SIL1: variants seen among roughly 807,000 people sequenced by gnomAD.
SIL1 encodes the protein SIL1 nucleotide exchange factor.
SIL1 carries 40 observed loss-of-function variants against 49.1 expected under a neutral mutation model. That is an observed-to-expected ratio of 0.81 (90% CI 0.63 to 1.06). The LOEUF (loss-of-function observed/expected upper bound fraction) is 1.06, where lower values mean the gene tolerates loss of function less well. Among genes scored for constraint, SIL1 ranks in the 50% least tolerant of loss-of-function variants. The probability of loss-of-function intolerance (pLI) is 0.00; values close to 1 mark genes in which losing one functional copy is unlikely to be tolerated. For missense variants in SIL1, 500 were observed against 572.6 expected (o/e 0.87, Z 1.29); for synonymous variants, 253 against 250.8 (o/e 1.01, Z -0.08).
chr5:139,059,819 C>CT lies in SIL1; in HGVS notation c.245-8774dup, dbSNP rs1194616200. ...TTCAGATTCCAATCTAATACACGGG[C>CT]TCATTTGTCTTCTCACTTTACTTAT... On this transcript the variant is annotated intron_variant, in intron 3 of 9. Coordinates refer to ENST00000394817, the MANE Select transcript of SIL1 (RefSeq NM_022464.5). Among the ~76,000 whole-genome samples, 38 of 152,250 alleles carry CT rather than the reference C, an allele frequency of 2.5e-4. No homozygotes were observed. In the East Asian group the frequency reaches 3.1e-3, roughly 12 times the overall value.
chr5:139,196,032 A>G (rs574404370), intron 1 of SIL1, among the ~76,000 whole-genome samples: 1 of 152,244 alleles, frequency 6.6e-6, no homozygotes, highest in Admixed American at 6.5e-5. Context: ...AAAAATTAAA[A>G]TTACAAAATT....
intron 3 of SIL1, among the ~76,000 whole-genome samples, chr5:139,096,476 G>A (rs944738900): frequency 6.6e-5 from 10 of 151,872 alleles, no homozygotes; most frequent in Admixed American, 3.3e-4. Context: ...TAGCCAAGGC[G>A]CCTAAGGGAA....
intron 3 of SIL1, among the ~76,000 whole-genome samples, chr5:139,118,570 C>T (rs898185129): frequency 1.3e-5 from 2 of 152,198 alleles, no homozygotes; most frequent in African/African-American, 4.8e-5. Flanking sequence ...GAACCCCAAA[C>T]TGGCTGAATC....
chr5:139,119,702 A>G (rs1010715015), intron 3 of SIL1, among the ~76,000 whole-genome samples: 1 of 152,224 alleles, frequency 6.6e-6, no homozygotes. Flanking sequence ...CAGAGGTTGC[A>G]GTGAGCCAAG....
rs909345948 is a variant in SIL1 at position 139,186,596 on chromosome 5, G to A, written c.-11+11673C>T. On this transcript the variant is annotated intron_variant, in intron 1 of 9. Transcript: ENST00000394817. ...ATGAAGCACATAAGCACTCCGGTTTGACACAGGCCTACCATTCTCTGTTGC... is the reference window on the plus strand; with the variant it reads ...ATGAAGCACATAAGCACTCCGGTTTAACACAGGCCTACCATTCTCTGTTGC... Among the ~76,000 whole-genome samples, 43 of 152,136 alleles carry A rather than the reference G, an allele frequency of 2.8e-4. 1 individual carries two copies. Among genetic ancestry groups the A allele is most frequent in the Admixed American group, 2.8e-3 (43 of 15,274 alleles).
intron 1 of SIL1, among the ~76,000 whole-genome samples, chr5:139,149,321 C>T (rs1276089183): frequency 1.3e-5 from 2 of 152,156 alleles, no homozygotes; most frequent in South Asian, 2.1e-4. Flanking sequence ...TTGTGCTCTA[C>T]GAAAAGATGA....
At chr5:139,067,872 A>C (rs972710713) in intron 3 of SIL1, among the ~76,000 whole-genome samples, 1 of 152,248 alleles carries the variant, frequency 6.6e-6, no homozygotes, top group Non-Finnish European at 1.5e-5. Flanking sequence ...ATGTTCACAG[A>C]AGTGCACAAT....
intron 5 of SIL1, among the ~76,000 whole-genome samples, chr5:139,038,050 T>C (rs1768957738): frequency 6.6e-6 from 1 of 152,174 alleles, no homozygotes; most frequent in Non-Finnish European, 1.5e-5. Context: ...TGGTCTCTCT[T>C]ATTCTTCTAA....
chr5:139,052,157 AT>A (rs1479726865), intron 3 of SIL1, among the ~76,000 whole-genome samples: 1 of 152,214 alleles, frequency 6.6e-6, no homozygotes, highest in African/African-American at 2.4e-5. Context: ...AAGGATAATG[AT>A]ATAGGCAAGT....
intron 1 of SIL1, among the ~76,000 whole-genome samples, chr5:139,181,991 T>C (rs371629588): frequency 6.6e-6 from 1 of 152,030 alleles, no homozygotes; most frequent in African/African-American, 2.4e-5. Context: ...GTTTTTTTGG[T>C]TTTTTTTAAG....
chr5:139,095,241 C>A (rs1561859838), intron 3 of SIL1, among the ~76,000 whole-genome samples: 1 of 147,230 alleles, frequency 6.8e-6, no homozygotes, highest in African/African-American at 2.5e-5. Context: ...GGGGGAGTAT[C>A]TATATATATA....
In SIL1 at chr5:139,086,270, T is replaced by TA. The variant is rs756341363; in HGVS notation, c.244+34764dup. 4.4e-3 allele frequency among the ~76,000 whole-genome samples: 429 copies of TA among 96,620 alleles called. 1 individual carries two copies. The highest frequency in any genetic ancestry group is 0.017 in the East Asian group (61 of 3,570). The allele number at this position is 96,620 out of a possible 152,430, so 63.4% of individuals were successfully genotyped here. On this transcript the variant is annotated intron_variant, in intron 3 of 9. Coordinates refer to ENST00000394817, the MANE Select transcript of SIL1 (RefSeq NM_022464.5). ...CCTGAGCAACAGAGTGAGACCGTCT[T>TA]AAAAAAAAAAAAAAAAAAGAAGAAG...
At chr5:139,094,231 AG>A (rs1304781663) in intron 3 of SIL1, among the ~76,000 whole-genome samples, 1 of 152,230 alleles carries the variant, frequency 6.6e-6, no homozygotes, top group East Asian at 1.9e-4. Context: ...AGAGAAACAA[AG>A]GCCTAAACAC....
chr5:139,136,288 C>T (rs542004715), intron 1 of SIL1, among the ~76,000 whole-genome samples: 32 of 152,256 alleles, frequency 2.1e-4, no homozygotes, highest in African/African-American at 5.5e-4. Flanking sequence ...TGCCATTAGG[C>T]GTGGAACTTA....
At chr5:139,097,485 CTTTT>C (rs58976541) in intron 3 of SIL1, among the ~76,000 whole-genome samples, 1 of 143,246 alleles carries the variant, frequency 7.0e-6, no homozygotes. Flanking sequence ...TAGCATTTCT[CTTTT>C]TTTTTTTTTT....
intron 7 of SIL1, among the ~76,000 whole-genome samples, chr5:138,958,710 G>A (rs1419101587): frequency 6.6e-6 from 1 of 150,694 alleles, no homozygotes; most frequent in Non-Finnish European, 1.5e-5. Context: ...AGTATATAAT[G>A]CAAATATTCC....
chr5:138,986,244 CTG>C (rs1295060591), intron 7 of SIL1, among the ~76,000 whole-genome samples: 5 of 152,244 alleles, frequency 3.3e-5, no homozygotes, highest in African/African-American at 1.2e-4. Context: ...GAAAAGCACT[CTG>C]GAGTTGTACC....
chr5:139,191,155 C>G (rs1399470906), intron 1 of SIL1, among the ~76,000 whole-genome samples: 1 of 144,928 alleles, frequency 6.9e-6, no homozygotes, highest in Non-Finnish European at 1.5e-5. Context: ...TCACTTGAAC[C>G]TGGGAGGCAG....
At chr5:139,158,915 G>A (rs1203844958) in intron 1 of SIL1, among the ~76,000 whole-genome samples, 1 of 152,036 alleles carries the variant, frequency 6.6e-6, no homozygotes, top group Non-Finnish European at 1.5e-5. Flanking sequence ...GTAACTGAAA[G>A]GTCAACTGGT....
Sources: allele counts gnomAD v4.1 joint callset (sites outside exome capture counted in the v4.1 genomes callset), GRCh38; gene constraint gnomAD v4.1.1; transcripts MANE v1.5; gene names NCBI Gene and HGNC (gene_info 2026-07-23, HGNC 2026-07-21).